PCDH11X: variants seen among roughly 807,000 people sequenced by gnomAD.
The protein encoded by PCDH11X is protocadherin-11 X-linked.
In PCDH11X, 18 loss-of-function variants were observed where a neutral mutation model predicts 53.3. The ratio of observed to expected loss-of-function variants is 0.34; its 90% CI spans 0.23 to 0.50. The LOEUF is 0.50. Among genes scored for constraint, PCDH11X ranks in the 20% least tolerant of loss-of-function variants. The probability of loss-of-function intolerance (pLI) is 0.98; values close to 1 mark genes in which losing one functional copy is unlikely to be tolerated. For missense variants in PCDH11X, 570 were observed against 1,032.4 expected (o/e 0.55, Z 6.14); for synonymous variants, 279 against 393.3 (o/e 0.71, Z 3.44).
At chrX:92,563,417 C>T (rs888193716) in intron 10 of PCDH11X, among the ~76,000 whole-genome samples, 3 of 108,570 alleles carry the variant, frequency 2.8e-5, no homozygotes, top group African/African-American at 1.0e-4. Flanking sequence ...CTGGCCCCAT[C>T]TCCAATATAT....
At chrX:92,546,118 A>G (rs1314185059) in intron 10 of PCDH11X, among the ~76,000 whole-genome samples, 3 of 109,562 alleles carry the variant, frequency 2.7e-5, no homozygotes, top group African/African-American at 9.7e-5. Context: ...TAGAGCAAAG[A>G]AAAATATTTG....
chrX:91,906,835 G>A (rs780329235), intron 6 of PCDH11X, among the ~76,000 whole-genome samples: 1 of 110,700 alleles, frequency 9.0e-6, no homozygotes, highest in Admixed American at 9.7e-5. Flanking sequence ...AAAGAATCAT[G>A]GCATTTGTTA....
chrX:92,280,732 G>A (rs1163361355), intron 8 of PCDH11X, among the ~76,000 whole-genome samples: 1 of 109,198 alleles, frequency 9.2e-6, no homozygotes, highest in Admixed American at 9.9e-5. Context: ...AAACAATTGA[G>A]TTACTTTGAA....
chrX:91,861,599 C>A (rs1189339280), intron 5 of PCDH11X, among the ~76,000 whole-genome samples: 1 of 110,749 alleles, frequency 9.0e-6, no homozygotes, highest in African/African-American at 3.3e-5. Flanking sequence ...CACCTCCCCC[C>A]AGGAACTTGG....
intron 8 of PCDH11X, among the ~76,000 whole-genome samples, chrX:92,297,222 G>A (rs971859111): frequency 1.1e-4 from 12 of 109,087 alleles, no homozygotes; most frequent in Non-Finnish European, 2.1e-4. Flanking sequence ...ATCTTTGCCA[G>A]GTCCTATGTC....
rs1263780757 is a variant in PCDH11X, at chrX:92,460,633, G to A, written c.3344-7666G>A. 15 of 846,977 alleles carry A rather than the reference G, an allele frequency of 1.8e-5. No homozygotes were observed. The Admixed American group carries it at 3.3e-4, about 19-fold the overall frequency. 69.8% of individuals were successfully genotyped at this position (846,977 alleles called of 1,213,427 possible). A position where few individuals can be genotyped will look rare whatever the true frequency, so the allele number is the denominator to read the frequency against. ...AGGCCAGCTTGGAGAACAACCCGAG[G>A]GAGGTGGAGGCCCGCTACTCCCTAC... On this transcript the variant is annotated intron_variant, in intron 9 of 10. Coordinates refer to ENST00000682573, the MANE Select transcript of PCDH11X (RefSeq NM_032968.5).
At chrX:92,563,958 A>G (rs760556661) in intron 10 of PCDH11X, among the ~76,000 whole-genome samples, 2 of 110,693 alleles carry the variant, frequency 1.8e-5, no homozygotes, top group East Asian at 5.7e-4. Flanking sequence ...ACAGAAATCA[A>G]TAGCATTTCT....
At chrX:92,063,003 T>C (rs1282312990) in intron 6 of PCDH11X, among the ~76,000 whole-genome samples, 9 of 111,312 alleles carry the variant, frequency 8.1e-5, no homozygotes, top group Non-Finnish European at 1.1e-4. Context: ...CATGGAATAC[T>C]ATGCAGCCAT....
chrX:91,837,535 A>T (rs771987197), intron 5 of PCDH11X, among the ~76,000 whole-genome samples: 1 of 111,231 alleles, frequency 9.0e-6, no homozygotes, highest in South Asian at 3.8e-4. Flanking sequence ...CAGACATGCT[A>T]CTTTCAGCTT....
chrX:92,172,101 C>T (rs938031708), intron 6 of PCDH11X, among the ~76,000 whole-genome samples: 9 of 108,992 alleles, frequency 8.3e-5, no homozygotes, highest in African/African-American at 3.0e-4. Context: ...AGTCTTACTT[C>T]TTCCTTTGCA....
intron 8 of PCDH11X, among the ~76,000 whole-genome samples, chrX:92,360,251 G>T (rs1024644283): frequency 9.0e-6 from 1 of 110,790 alleles, no homozygotes; most frequent in Non-Finnish European, 1.9e-5. Flanking sequence ...TGTATACAGT[G>T]CTTTATACTT....
chrX:92,244,171 T>C (rs1017277516), intron 7 of PCDH11X, among the ~76,000 whole-genome samples: 4 of 110,180 alleles, frequency 3.6e-5, no homozygotes, highest in African/African-American at 1.3e-4. Context: ...TTAAGGGGCA[T>C]GCATTAAGTC....
At chrX:92,312,627 C>A (rs769708628) in intron 8 of PCDH11X, among the ~76,000 whole-genome samples, 12 of 110,654 alleles carry the variant, frequency 1.1e-4, no homozygotes, top group Non-Finnish European at 2.3e-4. Flanking sequence ...AAATTGTTTT[C>A]CAATTGTAGA....
At chrX:92,153,317 T>C (rs1301078937) in intron 6 of PCDH11X, among the ~76,000 whole-genome samples, 1 of 98,469 alleles carries the variant, frequency 1.0e-5, no homozygotes, top group Admixed American at 1.3e-4. Context: ...CATCTTATAT[T>C]ACATATAAAT....
intron 6 of PCDH11X, among the ~76,000 whole-genome samples, chrX:92,186,570 G>A (rs1247827001): frequency 4.8e-5 from 5 of 104,677 alleles, no homozygotes; most frequent in African/African-American, 1.7e-4. Flanking sequence ...GGAGGTTGCG[G>A]TGAGCCGAGA....
At chrX:91,790,351 T>C (rs150450007) in intron 1 of PCDH11X, among the ~76,000 whole-genome samples, 1,259 of 111,743 alleles carry the variant, frequency 0.011, 15 homozygotes, top group African/African-American at 0.039. Context: ...GGTGTACCAG[T>C]ATCTTAAAAT....
chrX:91,795,759 A>G (rs1304793621), intron 1 of PCDH11X, among the ~76,000 whole-genome samples: 2 of 111,598 alleles, frequency 1.8e-5, no homozygotes, highest in African/African-American at 6.5e-5. Flanking sequence ...CTTGAATCCA[A>G]GAAGTTTGTT....
intron 7 of PCDH11X, among the ~76,000 whole-genome samples, chrX:92,212,522 G>A (rs1452483672): frequency 9.1e-6 from 1 of 110,386 alleles, no homozygotes; most frequent in Non-Finnish European, 1.9e-5. Flanking sequence ...GGCTAATTTT[G>A]TATTTTTAGT....
At chrX:92,148,730 A>G (rs1603052832) in intron 6 of PCDH11X, among the ~76,000 whole-genome samples, 1 of 107,927 alleles carries the variant, frequency 9.3e-6, no homozygotes, top group East Asian at 2.9e-4. Flanking sequence ...CTGGCCTTGG[A>G]AACATTGACA....
Sources: allele counts gnomAD v4.1 joint callset (sites outside exome capture counted in the v4.1 genomes callset), GRCh38; gene constraint gnomAD v4.1.1; transcripts MANE v1.5; gene names NCBI Gene and HGNC (gene_info 2026-07-23, HGNC 2026-07-21).